IMMP1L: variants seen among roughly 807,000 people sequenced by gnomAD.
IMMP1L encodes inner mitochondrial membrane peptidase subunit 1.
A neutral mutation model predicts 21.8 loss-of-function variants in IMMP1L; 24 were observed. That is an observed-to-expected ratio of 1.10 (90% confidence interval 0.80 to 1.55). The LOEUF (loss-of-function observed/expected upper bound fraction) is 1.55. Ranked by LOEUF, IMMP1L falls within the 40% of genes most tolerant of loss-of-function variation. The pLI, the probability that IMMP1L is intolerant of heterozygous loss-of-function variation, is 0.00. For missense variants in IMMP1L, 195 were observed against 200.7 expected, an observed-to-expected ratio of 0.97 and a Z score of 0.17; for synonymous variants, 46 against 62.8, an observed-to-expected ratio of 0.73 and a Z score of 1.26.
chr11:31,475,998 T>C (rs1193227880), intron 1 of IMMP1L, among the ~76,000 whole-genome samples: 1 of 152,164 alleles, frequency 6.6e-6, no homozygotes, highest in African/African-American at 2.4e-5. Flanking sequence ...AATGCAAAAC[T>C]ACTTTTAAAA....
chr11:31,508,471 A>G (rs1430648236), intron 1 of IMMP1L, among the ~76,000 whole-genome samples: 2 of 152,194 alleles, frequency 1.3e-5, no homozygotes, highest in Non-Finnish European at 2.9e-5. Context: ...TCCAGTTGAT[A>G]TATTGTGAAA....
At chr11:31,473,812 T>C in intron 1 of IMMP1L, 2 of 939,430 alleles carry the variant, frequency 2.1e-6, no homozygotes, top group Non-Finnish European at 2.5e-6. Flanking sequence ...GCATTTCGTT[T>C]CAGAAACAGG....
At chr11:31,467,513 T>C (rs898140985) in intron 1 of IMMP1L, among the ~76,000 whole-genome samples, 1 of 152,104 alleles carries the variant, frequency 6.6e-6, no homozygotes, top group Non-Finnish European at 1.5e-5. Flanking sequence ...TAATTGATAA[T>C]ACATTAAATT....
intron 1 of IMMP1L, among the ~76,000 whole-genome samples, chr11:31,501,605 C>T (rs1272948521): frequency 6.6e-6 from 1 of 152,072 alleles, no homozygotes; most frequent in Non-Finnish European, 1.5e-5. Flanking sequence ...ATAAGACACT[C>T]AGAAGCAGGA....
intron 1 of IMMP1L, among the ~76,000 whole-genome samples, chr11:31,509,184 T>A (rs2133857237): frequency 6.6e-6 from 1 of 152,224 alleles, no homozygotes; most frequent in Middle Eastern, 3.4e-3. Flanking sequence ...AGTTCAAGAG[T>A]TTTCGCTCTA....
intron 1 of IMMP1L, among the ~76,000 whole-genome samples, chr11:31,495,081 G>A (rs995482365): frequency 6.6e-6 from 1 of 152,222 alleles, no homozygotes; most frequent in Admixed American, 6.5e-5. Flanking sequence ...AATGCCACCA[G>A]TCTCTTTGCT....
chr11:31,473,443 A>T (rs962549794), intron 1 of IMMP1L, among the ~76,000 whole-genome samples: 2 of 152,218 alleles, frequency 1.3e-5, no homozygotes, highest in African/African-American at 4.8e-5. Flanking sequence ...CCAGGCCAGA[A>T]TTCAAAATGA....
intron 4 of IMMP1L, chr11:31,452,176 T>A (rs1953778599): frequency 4.2e-6 from 4 of 949,836 alleles, no homozygotes; most frequent in Non-Finnish European, 5.0e-6. Flanking sequence ...TATAGGAGGA[T>A]GTGGTGTCAT....
At chr11:31,454,052 G>A (rs1953852543) in intron 4 of IMMP1L, among the ~76,000 whole-genome samples, 1 of 152,084 alleles carries the variant, frequency 6.6e-6, no homozygotes, top group Non-Finnish European at 1.5e-5. Context: ...TCGGGTTGCT[G>A]TTGTGATAAT....
intron 1 of IMMP1L, among the ~76,000 whole-genome samples, chr11:31,491,911 C>T (rs551767756): frequency 6.6e-6 from 1 of 152,326 alleles, no homozygotes; most frequent in Admixed American, 6.5e-5. Flanking sequence ...GCTATAAACA[C>T]ATGTGCTGTC....
intron 1 of IMMP1L, among the ~76,000 whole-genome samples, chr11:31,497,643 G>A (rs1955495475): frequency 6.6e-6 from 1 of 152,018 alleles, no homozygotes; most frequent in Admixed American, 6.6e-5. Flanking sequence ...TCTATTTTTA[G>A]TAGAGACGGG....
intron 1 of IMMP1L, among the ~76,000 whole-genome samples, chr11:31,490,469 TAA>T (rs60971392): frequency 3.4e-4 from 45 of 131,626 alleles, no homozygotes; most frequent in Non-Finnish European, 2.3e-4. Context: ...AGACTCCATC[TAA>T]AAAAAAAAAA....
intron 1 of IMMP1L, 116 bp from the exon 2 acceptor site, chr11:31,463,421 G>T: frequency 1.1e-6 from 1 of 940,392 alleles, no homozygotes; most frequent in Non-Finnish European, 1.5e-6. Flanking sequence ...AATACAATTT[G>T]GTGCAGGAAA....
At chr11:31,479,990 G>A (rs1055974520) in intron 1 of IMMP1L, among the ~76,000 whole-genome samples, 3 of 151,852 alleles carry the variant, frequency 2.0e-5, no homozygotes, top group Non-Finnish European at 2.9e-5. Context: ...GCTGACCATC[G>A]ATGTATAAAA....
intron 4 of IMMP1L, among the ~76,000 whole-genome samples, chr11:31,436,173 C>T (rs1953110292): frequency 6.6e-6 from 1 of 152,010 alleles, no homozygotes; most frequent in Non-Finnish European, 1.5e-5. Flanking sequence ...TTTTCCCAAT[C>T]TATTTTTTGT....
At chr11:31,508,927 C>A (rs1955888844) in intron 1 of IMMP1L, among the ~76,000 whole-genome samples, 1 of 152,164 alleles carries the variant, frequency 6.6e-6, no homozygotes. Context: ...AGGTATACTT[C>A]TAATTCTTCC....
At chr11:31,444,810 T>C (rs1591952437) in intron 4 of IMMP1L, among the ~76,000 whole-genome samples, 2 of 152,124 alleles carry the variant, frequency 1.3e-5, no homozygotes, top group South Asian at 2.1e-4. Context: ...CGAACTTAAA[T>C]GGGCATGCTC....
At chr11:31,444,498 TACC>T (rs1953448256) in intron 4 of IMMP1L, among the ~76,000 whole-genome samples, 1 of 152,122 alleles carries the variant, frequency 6.6e-6, no homozygotes, top group Non-Finnish European at 1.5e-5. Context: ...TATGAGTAAG[TACC>T]ACATCAATTA....
chr11:31,446,624 T>C (rs1953533218), intron 4 of IMMP1L, among the ~76,000 whole-genome samples: 1 of 152,190 alleles, frequency 6.6e-6, no homozygotes, highest in African/African-American at 2.4e-5. Flanking sequence ...ACACTGGAAC[T>C]CTTACTTTTG....
Sources: allele counts gnomAD v4.1 joint callset (sites outside exome capture counted in the v4.1 genomes callset), GRCh38; gene constraint gnomAD v4.1.1; transcripts MANE v1.5; gene names NCBI Gene and HGNC (gene_info 2026-07-23, HGNC 2026-07-21).